LOC400499: variants seen among roughly 807,000 people sequenced by gnomAD.
chr16:11,465,039 G>A, the LOC400499 span, among the ~76,000 whole-genome samples: 6 of 152,156 alleles, frequency 3.9e-5, no homozygotes, highest in Non-Finnish European at 7.4e-5. Flanking sequence ...ATCCAGCTCC[G>A]GCTTCAGATG....
chr16:11,478,341 T>C, the LOC400499 span, among the ~76,000 whole-genome samples: 6 of 152,038 alleles, frequency 3.9e-5, no homozygotes, highest in African/African-American at 1.4e-4. Context: ...TATTTTGTTA[T>C]TTTTTATTTA....
At chr16:11,479,181 G>T in the LOC400499 span, among the ~76,000 whole-genome samples, 90,960 of 152,092 alleles carry the variant, frequency 0.6, 29,485 homozygotes, top group African/African-American at 0.86. Flanking sequence ...CAGATGAGGC[G>T]TGCAAAACTC....
chr16:11,449,173 T>C, the LOC400499 span: 1 of 1,281,478 alleles, frequency 7.8e-7, no homozygotes, highest in Non-Finnish European at 1.0e-6. Context: ...TGGGATACCC[T>C]TTCATCTCTT....
At chr16:11,516,804 G>C in the LOC400499 span, among the ~76,000 whole-genome samples, 1 of 152,046 alleles carries the variant, frequency 6.6e-6, no homozygotes, top group Non-Finnish European at 1.5e-5. Flanking sequence ...TGGCCACCAT[G>C]CCCAGCTAAT....
chr16:11,424,707 C>G, the LOC400499 span, among the ~76,000 whole-genome samples: 1 of 152,140 alleles, frequency 6.6e-6, no homozygotes, highest in Non-Finnish European at 1.5e-5. Flanking sequence ...GCTGCTGCAC[C>G]TGGGGGCCCC....
At chr16:11,486,301 G>A in the LOC400499 span, among the ~76,000 whole-genome samples, 1 of 133,226 alleles carries the variant, frequency 7.5e-6, no homozygotes. Context: ...ATGGATGAAT[G>A]GTACATGGGT....
At chr16:11,488,836 C>T in the LOC400499 span, 1 of 398,906 alleles carries the variant, frequency 2.5e-6, no homozygotes, top group Non-Finnish European at 4.4e-6. Flanking sequence ...TCTCCAGCAG[C>T]TGCAGGATGT....
At chr16:11,446,974 T>G in the LOC400499 span, 1 of 1,485,274 alleles carries the variant, frequency 6.7e-7, no homozygotes, top group South Asian at 1.3e-5. Context: ...AGGGGACAAT[T>G]GTGCCCCACG....
the LOC400499 span, among the ~76,000 whole-genome samples, chr16:11,397,538 G>A: frequency 2.2e-4 from 34 of 152,092 alleles, no homozygotes; most frequent in Non-Finnish European, 4.1e-4. Flanking sequence ...CTCCCAAAGT[G>A]GTGGGATTAC....
At chr16:11,503,849 C>T in the LOC400499 span, among the ~76,000 whole-genome samples, 1 of 152,216 alleles carries the variant, frequency 6.6e-6, no homozygotes, top group Non-Finnish European at 1.5e-5. Flanking sequence ...CGCAGCTGGC[C>T]CTGACCACTG....
chr16:11,522,684 C>G, the LOC400499 span, among the ~76,000 whole-genome samples: 1 of 152,232 alleles, frequency 6.6e-6, no homozygotes, highest in Non-Finnish European at 1.5e-5. Flanking sequence ...GGTTAACTAA[C>G]TTACACAATC....
At chr16:11,513,393 G>A in the LOC400499 span, among the ~76,000 whole-genome samples, 3 of 123,888 alleles carry the variant, frequency 2.4e-5, no homozygotes, top group South Asian at 4.9e-4. Flanking sequence ...GCAACAGAAC[G>A]AGACTGTGTC....
chr16:11,444,629 T>G, the LOC400499 span, among the ~76,000 whole-genome samples: 2 of 152,214 alleles, frequency 1.3e-5, no homozygotes, highest in Non-Finnish European at 2.9e-5. Flanking sequence ...TTTGTTGACC[T>G]CTGCTCTGGA....
At chr16:11,422,656 C>T in the LOC400499 span, among the ~76,000 whole-genome samples, 1 of 152,162 alleles carries the variant, frequency 6.6e-6, no homozygotes, top group African/African-American at 2.4e-5. Context: ...GGCCCCGTCT[C>T]AAACCTGGGG....
chr16:11,462,486 G>C, the LOC400499 span: 1 of 965,222 alleles, frequency 1.0e-6, no homozygotes, highest in African/African-American at 1.8e-5. Flanking sequence ...CTGGAGTGCA[G>C]TGGTGGAATC....
At chr16:11,403,728 C>A in the LOC400499 span, among the ~76,000 whole-genome samples, 151,861 of 152,304 alleles carry the variant, frequency 1, 75,727 homozygotes, top group Middle Eastern at 1. Context: ...TTGTGGCTGC[C>A]CAGGCCACAA....
the LOC400499 span, chr16:11,396,386 G>A: frequency 1.1e-6 from 1 of 937,112 alleles, no homozygotes. Context: ...CTGGTTTGCA[G>A]TTCCTCAGAT....
the LOC400499 span, among the ~76,000 whole-genome samples, chr16:11,436,226 G>T: frequency 6.6e-6 from 1 of 152,288 alleles, no homozygotes; most frequent in East Asian, 1.9e-4. Flanking sequence ...GCCTGAAGGG[G>T]GCTGGTGGGG....
chr16:11,456,704 AGGC>A, the LOC400499 span, among the ~76,000 whole-genome samples: 4 of 146,996 alleles, frequency 2.7e-5, no homozygotes, highest in Admixed American at 2.0e-4. Context: ...CTGGGATTAC[AGGC>A]GTGAGCCACT....
Sources: allele counts gnomAD v4.1 joint callset (sites outside exome capture counted in the v4.1 genomes callset), GRCh38; gene constraint gnomAD v4.1.1; transcripts MANE v1.5.